CATSPER3: variants seen among roughly 807,000 people sequenced by gnomAD.
CATSPER3 encodes the protein cation channel sperm-associated protein 3.
Under a neutral mutation model 36.6 loss-of-function variants are expected in CATSPER3, and 23 were observed. The ratio of observed to expected loss-of-function variants is 0.63; its 90% CI spans 0.45 to 0.89. The LOEUF is 0.89. CATSPER3 is among the 40% of genes least tolerant of loss of function. CATSPER3 has a pLI of 0.00. For missense variants in CATSPER3, 474 were observed against 503.9 expected (o/e 0.94, Z 0.57); for synonymous variants, 172 against 184.1 (o/e 0.93, Z 0.53).
intron 3 of CATSPER3, among the ~76,000 whole-genome samples, chr5:134,998,058 A>G (rs140477237): frequency 0.13 from 20,282 of 151,978 alleles, 3,894 homozygotes; most frequent in African/African-American, 0.43. Context: ...ATCTCCTAAT[A>G]CTATCCCTCC....
chr5:134,996,295 C>T lies in CATSPER3; in HGVS notation c.275C>T (p.Ser92Phe), dbSNP rs1379227364. The change falls in exon 3 of 8, where the codon TCC becomes TTC. Residue 92 changes from serine (S) to phenylalanine (F), a missense_variant. Physicochemically the swap from Ser to Phe is radical, Grantham distance 155. Transcript: ENST00000282611. ...TAGTTCTCGGAGATCTTCTTTGTGT[C>T]CATCTGCACATCTGAGTTGTCCATG... ...LLEFSEIFFV[S>F]ICTSELSMKV... 1 of 1,614,120 alleles carries T rather than the reference C, an allele frequency of 6.2e-7. No homozygotes were observed. Among genetic ancestry groups the T allele is most frequent in the Non-Finnish European group, 8.5e-7 (1 of 1,180,048 alleles).
intron 2 of CATSPER3, among the ~76,000 whole-genome samples, chr5:134,980,638 C>T (rs111725831): frequency 1.3e-5 from 2 of 151,880 alleles, no homozygotes; most frequent in African/African-American, 4.8e-5. Context: ...ACCATGTTGG[C>T]CAGGATGGTC....
rs1580904374 is a variant in CATSPER3, at chr5:134,979,716, A to G, written c.252+9624A>G. Among the ~76,000 whole-genome samples the G allele has an allele frequency of 4.6e-5, 7 of 152,350 alleles. 1 individual carries two copies. Among genetic ancestry groups the G allele is most frequent in the Admixed American group, 4.6e-4 (7 of 15,304 alleles). ...CATTGAGAAGCTCCGGTGTATATGG[A>G]GAAATTTAGAAAGCATTCATGCCCA... On this transcript the variant is annotated intron_variant, in intron 2 of 7. Coordinates refer to ENST00000282611, the MANE Select transcript of CATSPER3 (RefSeq NM_178019.3).
At chr5:135,011,497 A>C in intron 7 of CATSPER3, 24 bp from the exon 8 acceptor site, 1 of 1,577,362 alleles carries the variant, frequency 6.3e-7, no homozygotes, top group Non-Finnish European at 8.7e-7. Flanking sequence ...CTCAGATCTT[A>C]TCTCCTCCTG....
intron 1 of CATSPER3, chr5:134,968,893 A>C (rs1475792133): frequency 6.6e-6 from 1 of 152,132 alleles, no homozygotes; most frequent in Non-Finnish European, 1.5e-5. Flanking sequence ...ACACTGTTAA[A>C]ATTTTGGCAT....
At chr5:134,997,494 T>A (rs1197720029) in intron 3 of CATSPER3, among the ~76,000 whole-genome samples, 1 of 151,910 alleles carries the variant, frequency 6.6e-6, no homozygotes, top group East Asian at 1.9e-4. Flanking sequence ...TGTCCGTCAT[T>A]TATGCCCTAG....
At chr5:134,972,085 AATAATCCCCTTATACAGGCTGAGC>A (rs1385856092) in intron 2 of CATSPER3, among the ~76,000 whole-genome samples, 1 of 152,182 alleles carries the variant, frequency 6.6e-6, no homozygotes, top group Non-Finnish European at 1.5e-5. Context: ...TGAGGTAGAG[AATAATCCCCTTATACAGGCTGAGC>A]ATCCCGAATT....
In CATSPER3 at chr5:134,996,389, C is replaced by T. The variant is rs766429302; in HGVS notation, c.369C>T (p.Ile123=). 3.4e-5 allele frequency: 55 copies of T among 1,614,118 alleles called. 1 individual carries two copies. In the Middle Eastern group the frequency reaches 4.9e-4, roughly 14 times the overall value. Residue 123 remains isoleucine (I), a synonymous_variant, in exon 3 of 8, where the codon ATC becomes ATT. Transcript: ENST00000282611. ...GYNLLDVIII[I]VMFLPYALRQ... is the part of the protein sequence containing the mutation. Reference sequence around the variant, plus strand: ...ACCTGCTGGATGTGATCATTATCATCGTTATGTTTTTACCCTATGCCCTCC... The same window carrying T: ...ACCTGCTGGATGTGATCATTATCATTGTTATGTTTTTACCCTATGCCCTCC...
intron 2 of CATSPER3, 88 bp from the exon 3 acceptor site, chr5:134,996,184 AC>A: frequency 6.4e-7 from 1 of 1,557,260 alleles, no homozygotes; most frequent in Non-Finnish European, 8.8e-7. Flanking sequence ...ACTTAGGAGC[AC>A]CCCTTCCGGG....
Position 134,996,344 on chromosome 5 carries a change from C to CA in CATSPER3, c.324_325insA (p.Tyr109IlefsTer38). 6.2e-7 allele frequency: 1 copy of CA among 1,614,234 alleles called. No homozygotes were observed. The highest frequency in any genetic ancestry group is 8.5e-7 in the Non-Finnish European group (1 of 1,180,010). On this transcript the variant is annotated frameshift_variant, in exon 3 of 8. Transcript: ENST00000282611. LOFTEE classifies it high-confidence loss of function. ...TGAAGGTCTATGTGGACCCCATCAA[C>CA]TACTGGAAGAACGGCTACAACCTGC...
chr5:134,999,912 C>A (rs1360840778), intron 3 of CATSPER3, among the ~76,000 whole-genome samples: 3 of 152,198 alleles, frequency 2.0e-5, no homozygotes, highest in Non-Finnish European at 4.4e-5. Flanking sequence ...CTTTCTCCTG[C>A]CTGATTGCCC....
At chr5:134,993,158 A>G (rs1310464058) in intron 2 of CATSPER3, among the ~76,000 whole-genome samples, 3 of 152,234 alleles carry the variant, frequency 2.0e-5, no homozygotes, top group Admixed American at 1.3e-4. Context: ...GTGCTACAAC[A>G]TGGAATGAAC....
chr5:134,983,897 G>A (rs1194350465), intron 2 of CATSPER3, among the ~76,000 whole-genome samples: 1 of 152,130 alleles, frequency 6.6e-6, no homozygotes, highest in Non-Finnish European at 1.5e-5. Flanking sequence ...ATACCACAAG[G>A]TTATAGTAAC....
At chr5:135,006,763 G>A (rs936375452) in intron 3 of CATSPER3, among the ~76,000 whole-genome samples, 25 of 151,142 alleles carry the variant, frequency 1.7e-4, no homozygotes, top group South Asian at 2.1e-4. Context: ...GCATGAACCC[G>A]GGAGGCAGAG....
chr5:134,998,150 A>G (rs956414849), intron 3 of CATSPER3, among the ~76,000 whole-genome samples: 5 of 152,004 alleles, frequency 3.3e-5, no homozygotes, highest in Middle Eastern at 3.2e-3. Flanking sequence ...GTTCCCACCT[A>G]TAAGTGAGAA....
intron 2 of CATSPER3, among the ~76,000 whole-genome samples, chr5:134,985,152 G>A (rs1751793846): frequency 6.6e-6 from 1 of 152,132 alleles, no homozygotes; most frequent in Non-Finnish European, 1.5e-5. Flanking sequence ...GCAATTCACA[G>A]TTGTAAAGAA....
At chr5:134,988,706 A>G (rs2149548978) in intron 2 of CATSPER3, among the ~76,000 whole-genome samples, 1 of 152,246 alleles carries the variant, frequency 6.6e-6, no homozygotes, top group East Asian at 1.9e-4. Flanking sequence ...AACATCTGCA[A>G]TTACTTCCTC....
intron 2 of CATSPER3, among the ~76,000 whole-genome samples, chr5:134,979,886 G>C (rs1224383629): frequency 6.6e-6 from 1 of 152,112 alleles, no homozygotes; most frequent in African/African-American, 2.4e-5. Context: ...CCAACACAGA[G>C]CCAATCTAAA....
At chr5:134,985,937 A>T (rs1382273691) in intron 2 of CATSPER3, among the ~76,000 whole-genome samples, 2 of 151,898 alleles carry the variant, frequency 1.3e-5, no homozygotes, top group Non-Finnish European at 2.9e-5. Context: ...AACAAAAAAC[A>T]ATTGAAATTT....
Sources: allele counts gnomAD v4.1 joint callset (sites outside exome capture counted in the v4.1 genomes callset), GRCh38; gene constraint gnomAD v4.1.1; transcripts MANE v1.5; gene names NCBI Gene and HGNC (gene_info 2026-07-23, HGNC 2026-07-21).